PPP1R14C: variants seen among roughly 807,000 people sequenced by gnomAD.
The protein encoded by PPP1R14C is protein phosphatase 1 regulatory inhibitor subunit 14C.
PPP1R14C carries 16 observed loss-of-function variants against 20.4 expected under a neutral mutation model. The observed-to-expected ratio is 0.78, with a 90% CI of 0.53 to 1.19. The LOEUF (loss-of-function observed/expected upper bound fraction) is 1.19. Ranked by LOEUF, PPP1R14C falls within the 50% of genes most tolerant of loss-of-function variation. The pLI is 0.00. For missense variants in PPP1R14C, 211 were observed against 220.1 expected (o/e 0.96, Z 0.26); for synonymous variants, 91 against 91.0 (o/e 1.00, Z 0.00).
chr6:150,171,215 T>A (rs891551562), intron 1 of PPP1R14C, among the ~76,000 whole-genome samples: 18 of 152,136 alleles, frequency 1.2e-4, no homozygotes, highest in Non-Finnish European at 2.6e-4. Flanking sequence ...TACAGAGGAG[T>A]TCCACTGACC....
At chr6:150,222,287 T>A (rs1778178131) in intron 3 of PPP1R14C, among the ~76,000 whole-genome samples, 1 of 152,142 alleles carries the variant, frequency 6.6e-6, no homozygotes, top group Non-Finnish European at 1.5e-5. Flanking sequence ...TAAGTAGACT[T>A]TATTATTTAG....
At chr6:150,174,667 A>C (rs1341756093) in intron 1 of PPP1R14C, among the ~76,000 whole-genome samples, 1 of 151,916 alleles carries the variant, frequency 6.6e-6, no homozygotes, top group African/African-American at 2.4e-5. Context: ...AATATCATTT[A>C]ATAATAAGTA....
At chr6:150,238,968 G>A (rs916405751) in intron 3 of PPP1R14C, among the ~76,000 whole-genome samples, 1 of 151,974 alleles carries the variant, frequency 6.6e-6, no homozygotes, top group South Asian at 2.1e-4. Context: ...TGGCGGTCGA[G>A]CGTAAGCAGT....
At chr6:150,147,126 C>CTTT (rs557703706) in intron 1 of PPP1R14C, among the ~76,000 whole-genome samples, 3 of 133,388 alleles carry the variant, frequency 2.2e-5, no homozygotes, top group African/African-American at 5.6e-5. Context: ...GTTTAAAGAC[C>CTTT]TTTTTTTTTT....
chr6:150,210,840 C>G (rs1435463393), intron 1 of PPP1R14C, among the ~76,000 whole-genome samples: 1 of 152,146 alleles, frequency 6.6e-6, no homozygotes, highest in Admixed American at 6.5e-5. Flanking sequence ...TGCTGCACTC[C>G]TCACTCTACT....
intron 1 of PPP1R14C, among the ~76,000 whole-genome samples, chr6:150,151,143 G>C (rs1450560641): frequency 6.6e-6 from 1 of 150,482 alleles, no homozygotes; most frequent in African/African-American, 2.5e-5. Flanking sequence ...GTGTGACTCT[G>C]TATTTTTAGC....
intron 1 of PPP1R14C, chr6:150,195,267 G>T: frequency 7.7e-6 from 5 of 649,684 alleles, no homozygotes; most frequent in Non-Finnish European, 9.5e-6. Flanking sequence ...TTATACATGG[G>T]GGCTAAAAAA....
chr6:150,216,885 T>G, intron 3 of PPP1R14C, 29 bp downstream of exon 3: 1 of 1,575,082 alleles, frequency 6.3e-7, no homozygotes, highest in Non-Finnish European at 8.7e-7. Flanking sequence ...CTAAATGCCA[T>G]GTTTGAACTG....
chr6:150,214,449 C>T (rs1196214630), intron 1 of PPP1R14C, among the ~76,000 whole-genome samples: 1 of 152,082 alleles, frequency 6.6e-6, no homozygotes, highest in Non-Finnish European at 1.5e-5. Context: ...TCCTCCTTCT[C>T]TTCTTTTCCC....
In PPP1R14C at chr6:150,185,344, ACCTGCAAGGCT is replaced by A. The variant is rs1446080976; in HGVS notation, c.307-29392_307-29382del. On this transcript the variant is annotated intron_variant, in intron 1 of 3. Transcript: ENST00000361131. The surrounding 1 kb of genome is among the most constrained non-coding windows in gnomAD (Gnocchi z 4.1). ...ACCATGTCTCATGAAAGTCACACAG[ACCTGCAAGGCT>A]CCTGCAATCTGCCCTTTACTCTTTG... Among the ~76,000 whole-genome samples the A allele has an allele frequency of 6.6e-6, 1 of 152,106 alleles. No homozygotes were observed. Among genetic ancestry groups the A allele is most frequent in the Non-Finnish European group, 1.5e-5 (1 of 68,020 alleles).
At chr6:150,182,715 AGTGGCT>A (rs1777635299) in intron 1 of PPP1R14C, among the ~76,000 whole-genome samples, 1 of 152,234 alleles carries the variant, frequency 6.6e-6, no homozygotes, top group Non-Finnish European at 1.5e-5. Context: ...TGCACAGTAT[AGTGGCT>A]GTTACCAAGT....
intron 3 of PPP1R14C, among the ~76,000 whole-genome samples, chr6:150,218,990 T>TTC (rs1296950341): frequency 2.0e-5 from 3 of 151,864 alleles, no homozygotes; most frequent in African/African-American, 7.3e-5. Flanking sequence ...TTTACTGTTT[T>TTC]TTTTTCATTT....
chr6:150,225,767 G>A (rs1778223579), intron 3 of PPP1R14C, among the ~76,000 whole-genome samples: 4 of 152,146 alleles, frequency 2.6e-5, no homozygotes, highest in Admixed American at 6.5e-5. Context: ...GTTAATGAAC[G>A]GAGAAGTCAG....
At chr6:150,168,536 C>A (rs148088895) in intron 1 of PPP1R14C, among the ~76,000 whole-genome samples, 4,953 of 150,546 alleles carry the variant, frequency 0.033, 156 homozygotes, top group East Asian at 0.1. Context: ...CCCGTCTCAA[C>A]AAAACAAAAC....
At chr6:150,159,358 C>T (rs916773100) in intron 1 of PPP1R14C, among the ~76,000 whole-genome samples, 2 of 152,242 alleles carry the variant, frequency 1.3e-5, no homozygotes, top group Admixed American at 6.5e-5. Context: ...TTGTCAACTT[C>T]TGTGCCCCTC....
intron 1 of PPP1R14C, among the ~76,000 whole-genome samples, chr6:150,163,370 G>A (rs1355612953): frequency 2.0e-5 from 3 of 152,138 alleles, no homozygotes; most frequent in African/African-American, 4.8e-5. Context: ...CAGCCTGGGC[G>A]ACAGAGCAAG....
At chr6:150,161,377 A>T (rs544987576) in intron 1 of PPP1R14C, among the ~76,000 whole-genome samples, 5 of 152,342 alleles carry the variant, frequency 3.3e-5, no homozygotes, top group African/African-American at 1.2e-4. Context: ...AAGATCTCTC[A>T]CATGACAGCA....
chr6:150,192,256 G>A (rs192777802), intron 1 of PPP1R14C, among the ~76,000 whole-genome samples: 1 of 152,292 alleles, frequency 6.6e-6, no homozygotes, highest in African/African-American at 2.4e-5. Context: ...TGCTAGAGCA[G>A]TGGTCCCCAA....
intron 1 of PPP1R14C, among the ~76,000 whole-genome samples, chr6:150,151,640 A>G (rs886570938): frequency 6.6e-6 from 1 of 152,220 alleles, no homozygotes; most frequent in Non-Finnish European, 1.5e-5. Flanking sequence ...AGATTTATGC[A>G]TCTTACCTCA....
Sources: allele counts gnomAD v4.1 joint callset (sites outside exome capture counted in the v4.1 genomes callset), GRCh38; gene constraint gnomAD v4.1.1; non-coding constraint Gnocchi (gnomAD v3.1); transcripts MANE v1.5; gene names NCBI Gene and HGNC (gene_info 2026-07-23, HGNC 2026-07-21).